The following CCNY variants were observed in gnomAD, a reference collection of about 807,000 sequenced individuals.
The protein encoded by CCNY is cyclin-Y.
In CCNY, 19 loss-of-function variants were observed where a neutral mutation model predicts 42.8. That is an observed-to-expected ratio of 0.44 (90% CI 0.31 to 0.65). The LOEUF is 0.65. CCNY is among the 30% of genes least tolerant of loss of function. The pLI is 0.07. For synonymous variants in CCNY, 165 were observed against 162.7 expected (o/e 1.01, Z -0.11); for missense variants, 370 against 437.3 (o/e 0.85, Z 1.37).
chr10:35,443,258 C>G (rs909511578), intron 1 of CCNY, among the ~76,000 whole-genome samples: 15 of 152,294 alleles, frequency 9.8e-5, no homozygotes, highest in African/African-American at 3.6e-4. Context: ...TTTTTCTTCA[C>G]TAATAAATTA....
chr10:35,481,416 CT>C (rs904802121), intron 1 of CCNY, among the ~76,000 whole-genome samples: 1 of 152,146 alleles, frequency 6.6e-6, no homozygotes, highest in African/African-American at 2.4e-5. Context: ...AAATGACAGT[CT>C]TGTGTTATTT....
intron 1 of CCNY, among the ~76,000 whole-genome samples, chr10:35,347,169 G>A (rs534005789): frequency 3.9e-5 from 6 of 152,284 alleles, no homozygotes; most frequent in African/African-American, 7.2e-5. Context: ...ACATTGTCCC[G>A]TACTGGGGAT....
chr10:35,295,388 C>T (rs557017217), intron 3 of CCNY, among the ~76,000 whole-genome samples: 18 of 151,986 alleles, frequency 1.2e-4, no homozygotes, highest in East Asian at 5.9e-4. Context: ...TGTGCCACCA[C>T]GCCTGGCTAA....
chr10:35,513,885 A>C (rs909361024), intron 3 of CCNY, among the ~76,000 whole-genome samples: 1 of 152,166 alleles, frequency 6.6e-6, no homozygotes, highest in Non-Finnish European at 1.5e-5. Flanking sequence ...ACATTAACAA[A>C]AATATTTTGA....
intron 1 of CCNY, among the ~76,000 whole-genome samples, chr10:35,337,540 G>T (rs890492190): frequency 1.3e-5 from 2 of 152,226 alleles, no homozygotes; most frequent in Non-Finnish European, 2.9e-5. Context: ...GGCGGCCCGG[G>T]AGCTCGGGGT....
chr10:35,358,765 C>T (rs1352860261), intron 1 of CCNY, among the ~76,000 whole-genome samples: 1 of 152,236 alleles, frequency 6.6e-6, no homozygotes, highest in African/African-American at 2.4e-5. Flanking sequence ...AAGGGTGACA[C>T]TGAAACTCAC....
chr10:35,266,249 CTTTT>C (rs773886027), intron 3 of CCNY, among the ~76,000 whole-genome samples: 5 of 110,126 alleles, frequency 4.5e-5, no homozygotes, highest in African/African-American at 1.7e-4. Context: ...GGCTAATTTC[CTTTT>C]TTTTTTTTTT....
At chr10:35,525,076 T>C (rs1054010792) in intron 4 of CCNY, among the ~76,000 whole-genome samples, 6 of 152,220 alleles carry the variant, frequency 3.9e-5, no homozygotes, top group African/African-American at 2.4e-5. Flanking sequence ...AGAAACAACC[T>C]AAATGTTCAT....
intron 1 of CCNY, among the ~76,000 whole-genome samples, chr10:35,341,514 T>TACAA (rs1836182441): frequency 6.6e-6 from 1 of 152,268 alleles, no homozygotes; most frequent in Admixed American, 6.5e-5. Context: ...ATAGAACATT[T>TACAA]ATTGTTTGGT....
intron 3 of CCNY, among the ~76,000 whole-genome samples, chr10:35,270,892 A>AT (rs1259887507): frequency 2.6e-5 from 4 of 151,156 alleles, no homozygotes; most frequent in East Asian, 1.9e-4. Context: ...CACCCGGCTA[A>AT]TTTTTTGTAT....
intron 3 of CCNY, among the ~76,000 whole-genome samples, chr10:35,316,894 G>A (rs768620063): frequency 6.6e-6 from 1 of 152,118 alleles, no homozygotes; most frequent in Non-Finnish European, 1.5e-5. Context: ...TGCCCAGGCT[G>A]GAGTGCAGTG....
At chr10:35,356,559 G>A (rs74415485) in intron 1 of CCNY, among the ~76,000 whole-genome samples, 6 of 152,126 alleles carry the variant, frequency 3.9e-5, no homozygotes, top group Non-Finnish European at 7.4e-5. Context: ...AGCCTAGCAT[G>A]GTTGGCTGGG....
At chr10:35,430,533 AT>A (rs765369662) in intron 1 of CCNY, among the ~76,000 whole-genome samples, 3 of 152,102 alleles carry the variant, frequency 2.0e-5, no homozygotes, top group Non-Finnish European at 4.4e-5. Context: ...AGGAGGTACC[AT>A]TTGAATTTCA....
chr10:35,415,446 G>C (rs1388672818), intron 1 of CCNY, among the ~76,000 whole-genome samples: 1 of 151,986 alleles, frequency 6.6e-6, no homozygotes, highest in African/African-American at 2.4e-5. Context: ...AGCCTTTTTG[G>C]GCCTTGAGAA....
At chr10:35,515,739 C>T (rs749171912) in intron 3 of CCNY, among the ~76,000 whole-genome samples, 34 of 152,086 alleles carry the variant, frequency 2.2e-4, no homozygotes, top group Non-Finnish European at 4.0e-4. Flanking sequence ...TCATATTGCC[C>T]GATTGTTGCC....
At chr10:35,293,843 T>G (rs1835442375) in intron 3 of CCNY, among the ~76,000 whole-genome samples, 1 of 149,698 alleles carries the variant, frequency 6.7e-6, no homozygotes, top group Non-Finnish European at 1.5e-5. Flanking sequence ...CAGGCTGGAG[T>G]GCAGTGGCAT....
intron 3 of CCNY, among the ~76,000 whole-genome samples, chr10:35,309,193 G>C (rs1216558858): frequency 6.6e-6 from 1 of 152,132 alleles, no homozygotes; most frequent in African/African-American, 2.4e-5. Flanking sequence ...TGGCCACAAA[G>C]GGAAAAAGAG....
intron 7 of CCNY, among the ~76,000 whole-genome samples, chr10:35,547,343 G>A (rs1841137704): frequency 6.6e-6 from 1 of 152,068 alleles, no homozygotes; most frequent in African/African-American, 2.4e-5. Flanking sequence ...TCCACCAACA[G>A]TTGTCACACT....
At chr10:35,346,760 G>T (rs1405228730) in intron 1 of CCNY, among the ~76,000 whole-genome samples, 2 of 152,146 alleles carry the variant, frequency 1.3e-5, no homozygotes, top group East Asian at 1.9e-4. Context: ...CTGAGTAGCT[G>T]GGACTATAGT....
Sources: allele counts gnomAD v4.1 joint callset (sites outside exome capture counted in the v4.1 genomes callset), GRCh38; gene constraint gnomAD v4.1.1; transcripts MANE v1.5; gene names NCBI Gene and HGNC (gene_info 2026-07-23, HGNC 2026-07-21).